The following RNF11 variants were observed in gnomAD, a reference collection of about 807,000 sequenced individuals.
RNF11 encodes ring finger protein 11.
Under a neutral mutation model 15.8 loss-of-function variants are expected in RNF11, and 4 were observed. That is an observed-to-expected ratio of 0.25 (90% CI 0.12 to 0.58). RNF11 has a LOEUF of 0.58. RNF11 is among the 20% of genes least tolerant of loss of function. The probability of loss-of-function intolerance (pLI) is 0.91; values close to 1 mark genes in which losing one functional copy is unlikely to be tolerated. For synonymous variants in RNF11, 68 were observed against 72.3 expected, an observed-to-expected ratio of 0.94 and a Z score of 0.30; for missense variants, 139 against 194.4, an observed-to-expected ratio of 0.71 and a Z score of 1.70.
intron 1 of RNF11, among the ~76,000 whole-genome samples, chr1:51,238,015 A>G (rs1415249759): frequency 2.0e-5 from 3 of 152,098 alleles, no homozygotes; most frequent in African/African-American, 7.3e-5. Flanking sequence ...CATTTCATAT[A>G]TACCAGTAAG....
At chr1:51,260,391 G>A (rs1006280428) in intron 1 of RNF11, among the ~76,000 whole-genome samples, 8 of 152,098 alleles carry the variant, frequency 5.3e-5, no homozygotes, top group Non-Finnish European at 1.2e-4. Context: ...TTTGTAAAGC[G>A]TTAATATTCA....
At chr1:51,245,200 T>C (rs546712158) in intron 1 of RNF11, among the ~76,000 whole-genome samples, 15 of 149,642 alleles carry the variant, frequency 1.0e-4, no homozygotes, top group Non-Finnish European at 2.2e-4. Context: ...GCTGGGACTA[T>C]AGGCGTGCAC....
chr1:51,257,853 C>CTTTTTTTTTTTTTTTTTTTTTTTTTT (rs1245365473), intron 1 of RNF11, among the ~76,000 whole-genome samples: 9 of 91,268 alleles, frequency 9.9e-5, no homozygotes, highest in African/African-American at 4.4e-4. Flanking sequence ...CTTTTCTTTT[C>CTTTTTTTTTTTTTTTTTTTTTTTTTT]TTTTTTTTTT....
rs1431200583 is a variant in RNF11 at position 51,236,689 on chromosome 1, C to T, written c.-68C>T. 5.6e-6 allele frequency: 9 copies of T among 1,593,790 alleles called. No individual in the cohort carries two copies. The highest frequency in any genetic ancestry group is 1.3e-5 in the African/African-American group (1 of 74,164). On this transcript the variant is annotated 5_prime_UTR_variant, in exon 1 of 3. Transcript: ENST00000242719. Reference sequence around the variant, plus strand: ...CCCCACCTCGCCAACCGAGGCGGACCGCGGAGTGTGCGAACGACCCCACCG... The same window carrying T: ...CCCCACCTCGCCAACCGAGGCGGACTGCGGAGTGTGCGAACGACCCCACCG...
intron 1 of RNF11, chr1:51,251,558 G>A: frequency 1.7e-6 from 1 of 571,582 alleles, no homozygotes; most frequent in Non-Finnish European, 3.1e-6. Flanking sequence ...AAAAAATTAA[G>A]GTATGTCATG....
At chr1:51,242,270 ATG>A (rs1402982086) in intron 1 of RNF11, among the ~76,000 whole-genome samples, 1 of 151,832 alleles carries the variant, frequency 6.6e-6, no homozygotes, top group East Asian at 1.9e-4. Flanking sequence ...AAATAAGAAA[ATG>A]TAACATTTTG....
chr1:51,248,604 A>G (rs778168854), intron 1 of RNF11, among the ~76,000 whole-genome samples: 2 of 152,212 alleles, frequency 1.3e-5, no homozygotes, highest in Non-Finnish European at 2.9e-5. Context: ...GGGATAAGAC[A>G]TGAAGCAATT....
chr1:51,266,792 A>G (rs1232308903), intron 1 of RNF11, among the ~76,000 whole-genome samples: 1 of 152,208 alleles, frequency 6.6e-6, no homozygotes, highest in African/African-American at 2.4e-5. Context: ...CATATCTACA[A>G]AGTTCTAATA....
At chr1:51,262,641 G>A (rs1646935763) in intron 1 of RNF11, among the ~76,000 whole-genome samples, 1 of 151,722 alleles carries the variant, frequency 6.6e-6, no homozygotes, top group South Asian at 2.1e-4. Context: ...CCACCTCCCA[G>A]GTTCAAGCAG....
chr1:51,243,303 C>T (rs571739289), intron 1 of RNF11, among the ~76,000 whole-genome samples: 1 of 152,276 alleles, frequency 6.6e-6, no homozygotes. Context: ...TGTAAGGTCA[C>T]CATCATAATT....
chr1:51,255,625 C>T (rs1240442107), intron 1 of RNF11, among the ~76,000 whole-genome samples: 2 of 152,152 alleles, frequency 1.3e-5, no homozygotes, highest in African/African-American at 4.8e-5. Flanking sequence ...ACCAGTTTGT[C>T]TATTTTTTTC....
chr1:51,251,846 A>T (rs372512972), intron 1 of RNF11, among the ~76,000 whole-genome samples: 1 of 152,158 alleles, frequency 6.6e-6, no homozygotes, highest in African/African-American at 2.4e-5. Flanking sequence ...TGGGAGGCCA[A>T]GGTGGGTGGA....
chr1:51,253,382 G>A (rs982015034), intron 1 of RNF11, among the ~76,000 whole-genome samples: 2 of 151,898 alleles, frequency 1.3e-5, no homozygotes, highest in Admixed American at 1.3e-4. Flanking sequence ...AAAAAGTTAG[G>A]TGTGGTGGCA....
Position 51,236,516 on chromosome 1 carries a change from C to G in RNF11, c.-241C>G, listed in dbSNP as rs1223514370. On this transcript the variant is annotated 5_prime_UTR_variant, in exon 1 of 3. Transcript: ENST00000242719. ...TCTCCCCGCCCCCCCCCCCCCATCG[C>G]TGCCTCGCAGGAGGCGAACGCCGCG... is the stretch of plus-strand genomic sequence containing the variant. 3.8e-5 allele frequency: 5 copies of G among 133,064 alleles called. No homozygotes were observed. The highest frequency in any genetic ancestry group is 1.5e-4 in the African/African-American group (5 of 32,950). The allele number at this position is 133,064 out of a possible 1,614,324, so 8.2% of individuals were successfully genotyped here.
At chr1:51,258,212 G>T (rs1024778045) in intron 1 of RNF11, among the ~76,000 whole-genome samples, 4 of 152,170 alleles carry the variant, frequency 2.6e-5, no homozygotes, top group African/African-American at 9.7e-5. Context: ...TACAACATTA[G>T]TTGTTTATTT....
chr1:51,238,172 C>A (rs74083032), intron 1 of RNF11, among the ~76,000 whole-genome samples: 3,677 of 152,266 alleles, frequency 0.024, 161 homozygotes, highest in African/African-American at 0.084. Flanking sequence ...CCGGGTCAGC[C>A]AGGTGGACAT....
intron 1 of RNF11, among the ~76,000 whole-genome samples, chr1:51,239,710 C>G (rs1646820292): frequency 6.6e-6 from 1 of 152,188 alleles, no homozygotes; most frequent in Non-Finnish European, 1.5e-5. Context: ...CTACCTCACA[C>G]AGCAGATTTA....
Position 51,264,907 on chromosome 1 carries a change from T to C in RNF11, c.124-5049T>C, listed in dbSNP as rs1390202625. ...TAAACCACCTAAGATTAGGGCCCGA[T>C]ACATTCTTGACAACATCCATCATTT... On this transcript the variant is annotated intron_variant, in intron 1 of 2. Coordinates refer to ENST00000242719, the MANE Select transcript of RNF11 (RefSeq NM_014372.5). 4 of 152,232 alleles carry C rather than the reference T, an allele frequency of 2.6e-5. No individual in the cohort carries two copies. The East Asian group carries it at 7.7e-4, about 29-fold the overall frequency. The allele number at this position is 152,232 out of a possible 1,614,324, so 9.4% of individuals were successfully genotyped here. A position where few individuals can be genotyped will look rare whatever the true frequency, so the allele number is the denominator to read the frequency against.
intron 1 of RNF11, among the ~76,000 whole-genome samples, chr1:51,255,061 G>A (rs1183305036): frequency 6.6e-6 from 1 of 152,068 alleles, no homozygotes; most frequent in Non-Finnish European, 1.5e-5. Context: ...CCAACATACT[G>A]TTTAATGCAT....
Sources: allele counts gnomAD v4.1 joint callset (sites outside exome capture counted in the v4.1 genomes callset), GRCh38; gene constraint gnomAD v4.1.1; transcripts MANE v1.5; gene names NCBI Gene and HGNC (gene_info 2026-07-23, HGNC 2026-07-21).